Variants in CPSF2 observed in about 807,000 individuals in gnomAD.
CPSF2 encodes the protein cleavage and polyadenylation specific factor 2.
CPSF2 carries 51 observed loss-of-function variants against 84.2 expected under a neutral mutation model. The ratio of observed to expected loss-of-function variants is 0.61; its 90% CI spans 0.48 to 0.77. CPSF2 has a LOEUF of 0.77. Among genes scored for constraint, CPSF2 ranks in the 30% least tolerant of loss-of-function variants. The pLI, the probability that CPSF2 is intolerant of heterozygous loss-of-function variation, is 0.00. For synonymous variants in CPSF2, 286 were observed against 311.9 expected (o/e 0.92, Z 0.87); for missense variants, 641 against 929.4 (o/e 0.69, Z 4.03).
chr14:92,145,443 T>C (rs977792751), intron 9 of CPSF2, among the ~76,000 whole-genome samples: 1 of 152,210 alleles, frequency 6.6e-6, no homozygotes, highest in Admixed American at 6.5e-5. Context: ...GTTTAGTTTG[T>C]TAAAAGCTAT....
intron 8 of CPSF2, among the ~76,000 whole-genome samples, 175 bp from the exon 9 acceptor site, chr14:92,142,829 G>GGGT (rs1309370389): frequency 6.6e-6 from 1 of 152,172 alleles, no homozygotes; most frequent in Non-Finnish European, 1.5e-5. Context: ...ATGAAAGTGA[G>GGGT]GGTGGGATAA....
At chr14:92,127,592 G>T (rs925652404) in intron 2 of CPSF2, among the ~76,000 whole-genome samples, 2 of 152,210 alleles carry the variant, frequency 1.3e-5, no homozygotes, top group Non-Finnish European at 2.9e-5. Flanking sequence ...TGTAGTGGTT[G>T]TTGGGGGTTG....
In CPSF2 at chr14:92,133,892, T is replaced by G. The variant is rs375802407; in HGVS notation, c.150-119T>G. ...CATAGGTAATCATAATTTTAGCTCTTAGTTTTGCTCTTCTGCCCCAGTGTA... is the reference window on the plus strand; with the variant it reads ...CATAGGTAATCATAATTTTAGCTCTGAGTTTTGCTCTTCTGCCCCAGTGTA... On this transcript the variant is annotated intron_variant, in intron 3 of 15. Coordinates refer to ENST00000298875, the MANE Select transcript of CPSF2 (RefSeq NM_017437.3). 15 of 924,016 alleles carry G rather than the reference T, an allele frequency of 1.6e-5. No individual in the cohort carries two copies. In the South Asian group the frequency reaches 1.9e-4, roughly 12 times the overall value. The allele number at this position is 924,016 out of a possible 1,614,324, so 57.2% of individuals were successfully genotyped here.
At chr14:92,161,061 A>G (rs1223783035) in intron 14 of CPSF2, 51 bp from the exon 15 acceptor site, 1 of 1,566,970 alleles carries the variant, frequency 6.4e-7, no homozygotes, top group Non-Finnish European at 8.7e-7. Context: ...GTACAGTTGT[A>G]TGTCTGGTGT....
intron 9 of CPSF2, among the ~76,000 whole-genome samples, chr14:92,151,908 T>C (rs1326191440): frequency 6.6e-6 from 1 of 150,764 alleles, no homozygotes. Flanking sequence ...GAGTGGTGGA[T>C]GGCTGAAGTG....
intron 7 of CPSF2, among the ~76,000 whole-genome samples, chr14:92,141,177 A>G (rs1478989277): frequency 6.6e-6 from 1 of 152,160 alleles, no homozygotes; most frequent in Non-Finnish European, 1.5e-5. Flanking sequence ...AAAATATTTG[A>G]AAAAACAATA....
rs1405227733 is a variant in CPSF2 at position 92,165,944 on chromosome 14, CT to C, written c.*4201del. 6.9e-6 allele frequency: 1 copy of C among 144,800 alleles called. No individual in the cohort carries two copies. The highest frequency in any genetic ancestry group is 2.6e-5 in the African/African-American group (1 of 38,404). The allele number at this position is 144,800 out of a possible 1,614,324, so 9.0% of individuals were successfully genotyped here. On this transcript the variant is annotated 3_prime_UTR_variant, in exon 16 of 16. Transcript: ENST00000298875. ...TGGCGCGGTCTCAGCTCACTGCAAC[CT>C]CTGCCTCCCAGATTAAAGGGATTCT...
chr14:92,161,630 AT>A lies in CPSF2; in HGVS notation c.2257-14del, dbSNP rs537252831. On this transcript the variant is annotated intron_variant, in intron 15 of 15. Transcript: ENST00000298875. ...TAATGAATAGAAAATGTACTAAAGA[AT>A]TTTTTTTATTTGGTTTCTAGACGGA... is the stretch of plus-strand genomic sequence containing the variant. The A allele has an allele frequency of 1.5e-4, 224 of 1,534,214 alleles. No individual in the cohort carries two copies. The African/African-American group carries it at 2.5e-3, about 17-fold the overall frequency.
intron 7 of CPSF2, among the ~76,000 whole-genome samples, chr14:92,141,264 T>C (rs1477260052): frequency 6.6e-6 from 1 of 152,164 alleles, no homozygotes; most frequent in Non-Finnish European, 1.5e-5. Context: ...GCATGTACAC[T>C]GTATTAGGTA....
intron 1 of CPSF2, among the ~76,000 whole-genome samples, chr14:92,123,968 A>C (rs146285710): frequency 2.4e-4 from 37 of 152,352 alleles, no homozygotes; most frequent in African/African-American, 8.4e-4. Flanking sequence ...AGGGCAACAA[A>C]AAGGCTTTAT....
intron 7 of CPSF2, among the ~76,000 whole-genome samples, chr14:92,141,453 C>A (rs1463301999): frequency 6.6e-6 from 1 of 152,104 alleles, no homozygotes; most frequent in Non-Finnish European, 1.5e-5. Context: ...TCTAGCTTCC[C>A]ACATAGCTAA....
At chr14:92,137,595 A>G (rs1017406476) in intron 6 of CPSF2, among the ~76,000 whole-genome samples, 3 of 152,220 alleles carry the variant, frequency 2.0e-5, no homozygotes, top group Admixed American at 1.3e-4. Context: ...ATGAGGTTAA[A>G]TCTTGCTGGA....
intron 4 of CPSF2, 29 bp downstream of exon 4, chr14:92,134,199 T>C: frequency 6.2e-7 from 1 of 1,612,290 alleles, no homozygotes; most frequent in South Asian, 1.1e-5. Context: ...AAAATTTTGT[T>C]AGCACTCCTT....
Position 92,165,039 on chromosome 14 carries a change from T to C in CPSF2, c.*3295T>C, listed in dbSNP as rs1323060422. The C allele has an allele frequency of 6.6e-6, 1 of 152,200 alleles. No homozygotes were observed. Among genetic ancestry groups the C allele is most frequent in the Non-Finnish European group, 1.5e-5 (1 of 68,040 alleles). The allele number at this position is 152,200 out of a possible 1,614,324, so 9.4% of individuals were successfully genotyped here. On this transcript the variant is annotated 3_prime_UTR_variant, in exon 16 of 16. Coordinates refer to ENST00000298875, the MANE Select transcript of CPSF2 (RefSeq NM_017437.3). The stretch of plus-strand genomic sequence containing the variant: ...ATTGAATAATACAATATATGAACTT[T>C]TATGTTTGACTTCTTTCACTTAGCA...
rs2069450068 is a variant in CPSF2, at chr14:92,166,562, T to A, written c.*4818T>A. 3.3e-5 allele frequency: 5 copies of A among 152,084 alleles called. No homozygotes were observed. Among genetic ancestry groups the A allele is most frequent in the Admixed American group, 3.3e-4 (5 of 15,250 alleles). The allele number at this position is 152,084 out of a possible 1,614,324, so 9.4% of individuals were successfully genotyped here. A position where few individuals can be genotyped will look rare whatever the true frequency, so the allele number is the denominator to read the frequency against. ...CAGTTTCTCACTCTGTTGCCCAAGC[T>A]GGTCATCTCAAACTTCCAGACTCAA... is the stretch of plus-strand genomic sequence containing the variant. On this transcript the variant is annotated 3_prime_UTR_variant, in exon 16 of 16. Coordinates refer to ENST00000298875, the MANE Select transcript of CPSF2 (RefSeq NM_017437.3).
chr14:92,148,602 G>GT (rs916565373), intron 9 of CPSF2, among the ~76,000 whole-genome samples: 17 of 147,192 alleles, frequency 1.2e-4, no homozygotes, highest in East Asian at 2.0e-4. Flanking sequence ...TATATTCTGG[G>GT]TTTTTTTTTT....
chr14:92,148,567 T>TA (rs2069171858), intron 9 of CPSF2, among the ~76,000 whole-genome samples: 1 of 152,122 alleles, frequency 6.6e-6, no homozygotes, highest in African/African-American at 2.4e-5. Context: ...TTAATTGTCA[T>TA]AACTGTTGAC....
chr14:92,155,787 C>T (rs1429593087), intron 11 of CPSF2, among the ~76,000 whole-genome samples: 1 of 149,926 alleles, frequency 6.7e-6, no homozygotes, highest in Non-Finnish European at 1.5e-5. Flanking sequence ...AAAAAAAGAA[C>T]TTTGGATGGC....
rs779018867 is a variant in CPSF2 at position 92,157,666 on chromosome 14, G to T, written c.1603G>T (p.Val535Phe). ...AATCATATCTAATTACAGAGCCCGG[G>T]TTACCTACATAGACTATGAAGGACG... ...TTESIEIKARVTYIDYEGRSD... is the reference protein window; with the variant it reads ...TTESIEIKARFTYIDYEGRSD... The change falls in exon 13 of 16, where the codon GTT becomes TTT. Residue 535 changes from valine (V) to phenylalanine (F), a missense_variant. Around this residue, in one of 2 missense-constraint regions of CPSF2, gnomAD observed 430 missense variants for 553.6 expected, o/e 0.78. Transcript: ENST00000298875. The surrounding 1 kb of genome is among the most constrained non-coding windows in gnomAD (Gnocchi z 4.0). 1 of 1,612,622 alleles carries T rather than the reference G, an allele frequency of 6.2e-7. No homozygotes were observed. Among genetic ancestry groups the T allele is most frequent in the Admixed American group, 1.7e-5 (1 of 59,958 alleles).
Sources: gnomAD v4.1 joint callset for allele counts (sites outside exome capture counted in the v4.1 genomes callset) on GRCh38, gnomAD v4.1.1 for gene constraint, gnomAD v4.1.1 regional missense constraint, Gnocchi (gnomAD v3.1) non-coding constraint, MANE v1.5 for transcripts, NCBI Gene and HGNC (gene_info 2026-07-23, HGNC 2026-07-21) for gene names.